RBFOX1: variants seen among roughly 807,000 people sequenced by gnomAD.
RBFOX1 encodes RNA binding fox-1 homolog 1.
Under a neutral mutation model 57.7 loss-of-function variants are expected in RBFOX1, and 8 were observed. The ratio of observed to expected loss-of-function variants is 0.14; its 90% CI spans 0.08 to 0.25. The LOEUF (loss-of-function observed/expected upper bound fraction) is 0.25, where lower values mean the gene tolerates loss of function less well. RBFOX1 is among the 10% of genes least tolerant of loss of function. The pLI is 1.00. For missense variants in RBFOX1, 611 were observed against 548.5 expected, an observed-to-expected ratio of 1.11 and a Z score of -1.14; for synonymous variants, 326 against 222.4, an observed-to-expected ratio of 1.47 and a Z score of -4.15.
At chr16:5,805,549 A>C (rs898105708) in intron 3 of RBFOX1, among the ~76,000 whole-genome samples, 6 of 152,208 alleles carry the variant, frequency 3.9e-5, no homozygotes, top group Non-Finnish European at 1.5e-5. Flanking sequence ...TTGATGGGAT[A>C]ATTGAGAAGA....
At chr16:7,063,267 C>A (rs1016606830) in intron 4 of RBFOX1, among the ~76,000 whole-genome samples, 1 of 152,226 alleles carries the variant, frequency 6.6e-6, no homozygotes, top group South Asian at 2.1e-4. Flanking sequence ...CTTTGGAACT[C>A]TGTCCTTCCC....
intron 2 of RBFOX1, among the ~76,000 whole-genome samples, chr16:5,543,869 A>T (rs2045070861): frequency 6.6e-6 from 1 of 152,228 alleles, no homozygotes; most frequent in South Asian, 2.1e-4. Context: ...AAGTGTAAAG[A>T]TAGGGAGTAA....
At chr16:6,714,612 G>A (rs2064392746) in intron 3 of RBFOX1, among the ~76,000 whole-genome samples, 1 of 152,082 alleles carries the variant, frequency 6.6e-6, no homozygotes, top group South Asian at 2.1e-4. Flanking sequence ...TCAGCATCAA[G>A]AAGAAATGCA....
At chr16:7,063,080 TC>T (rs36104139) in intron 4 of RBFOX1, among the ~76,000 whole-genome samples, 3 of 151,984 alleles carry the variant, frequency 2.0e-5, no homozygotes, top group Non-Finnish European at 4.4e-5. Flanking sequence ...CTGCAATGCC[TC>T]CCTGATGCCT....
intron 3 of RBFOX1, among the ~76,000 whole-genome samples, chr16:6,820,081 T>G (rs1211526866): frequency 6.6e-6 from 1 of 152,172 alleles, no homozygotes; most frequent in Non-Finnish European, 1.5e-5. Flanking sequence ...TTTCCTTTCC[T>G]TTTCTCATAA....
At chr16:7,098,563 C>T (rs1485042383) in intron 4 of RBFOX1, among the ~76,000 whole-genome samples, 2 of 152,256 alleles carry the variant, frequency 1.3e-5, no homozygotes, top group African/African-American at 2.4e-5. Context: ...ACATCAGCAC[C>T]CTTAAACATA....
At chr16:7,188,399 A>G (rs1486659365) in intron 4 of RBFOX1, among the ~76,000 whole-genome samples, 1 of 152,206 alleles carries the variant, frequency 6.6e-6, no homozygotes, top group Non-Finnish European at 1.5e-5. Flanking sequence ...ACCTAGAGTT[A>G]AAATTTGCAT....
At chr16:6,529,311 C>G (rs150972118) in intron 2 of RBFOX1, among the ~76,000 whole-genome samples, 1,972 of 152,096 alleles carry the variant, frequency 0.013, 31 homozygotes, top group African/African-American at 0.045. Context: ...GCCTGTAATC[C>G]CAGCAGTTTG....
At chr16:5,584,664 G>T (rs969349823) in intron 2 of RBFOX1, among the ~76,000 whole-genome samples, 3 of 152,158 alleles carry the variant, frequency 2.0e-5, no homozygotes, top group African/African-American at 7.2e-5. Flanking sequence ...GGCTGTCCCT[G>T]TGACACAGAT....
chr16:6,682,334 C>A (rs970609374), intron 3 of RBFOX1, among the ~76,000 whole-genome samples: 2 of 152,150 alleles, frequency 1.3e-5, no homozygotes, highest in Non-Finnish European at 2.9e-5. Context: ...ACTAGAGGCG[C>A]CCCTTGTGCT....
chr16:7,416,268 C>G (rs1228759646), intron 4 of RBFOX1, among the ~76,000 whole-genome samples: 5 of 152,216 alleles, frequency 3.3e-5, no homozygotes, highest in Non-Finnish European at 2.9e-5. Context: ...CTTTCTGTGT[C>G]TCTCAGACTA....
chr16:6,293,719 T>C (rs528411161), intron 1 of RBFOX1, among the ~76,000 whole-genome samples: 52 of 146,780 alleles, frequency 3.5e-4, no homozygotes, highest in African/African-American at 1.2e-3. Flanking sequence ...AGGAAGACTC[T>C]ACTGAGAAAA....
intron 3 of RBFOX1, among the ~76,000 whole-genome samples, chr16:6,848,316 T>C (rs1167358598): frequency 6.6e-6 from 1 of 152,138 alleles, no homozygotes; most frequent in East Asian, 1.9e-4. Flanking sequence ...GGCTTTCTCA[T>C]TTCTCCAGAG....
At chr16:5,298,045 T>C (rs901706885) in intron 1 of RBFOX1, among the ~76,000 whole-genome samples, 4 of 152,214 alleles carry the variant, frequency 2.6e-5, no homozygotes, top group African/African-American at 9.6e-5. Context: ...TTTGCAGTCA[T>C]AGTAGTAAAC....
At chr16:7,294,298 G>A (rs1481000155) in intron 4 of RBFOX1, among the ~76,000 whole-genome samples, 5 of 152,058 alleles carry the variant, frequency 3.3e-5, no homozygotes, top group African/African-American at 1.2e-4. Context: ...CCTCTCAACT[G>A]CCAAACGCTG....
chr16:6,931,258 C>T (rs947681595), intron 3 of RBFOX1, among the ~76,000 whole-genome samples: 8 of 146,768 alleles, frequency 5.5e-5, no homozygotes, highest in African/African-American at 2.1e-4. Flanking sequence ...TTTGGTGCTA[C>T]CAAAAAAAAA....
At chr16:6,677,435 C>G (rs566990683) in intron 3 of RBFOX1, among the ~76,000 whole-genome samples, 21 of 152,220 alleles carry the variant, frequency 1.4e-4, no homozygotes, top group South Asian at 4.2e-4. Flanking sequence ...GATCCATGGA[C>G]TTATTGCCCC....
At chr16:6,806,374 G>C (rs1316851593) in intron 3 of RBFOX1, among the ~76,000 whole-genome samples, 1 of 152,038 alleles carries the variant, frequency 6.6e-6, no homozygotes, top group Admixed American at 6.6e-5. Context: ...ATGAGAAACT[G>C]GTCTGTAATA....
chr16:7,047,271 A>C (rs1304348851), intron 3 of RBFOX1, among the ~76,000 whole-genome samples: 1 of 151,962 alleles, frequency 6.6e-6, no homozygotes, highest in Non-Finnish European at 1.5e-5. Flanking sequence ...AGTTACTTTC[A>C]TATTTCACCT....
Sources: allele counts gnomAD v4.1 joint callset (sites outside exome capture counted in the v4.1 genomes callset), GRCh38; gene constraint gnomAD v4.1.1; transcripts MANE v1.5; gene names NCBI Gene and HGNC (gene_info 2026-07-23, HGNC 2026-07-21).